Variants in SLIT3 observed in about 807,000 individuals in gnomAD.
SLIT3 encodes slit guidance ligand 3.
A neutral mutation model predicts 184.0 loss-of-function variants in SLIT3; 68 were observed. The observed-to-expected ratio is 0.37, with a 90% confidence interval of 0.30 to 0.45. The LOEUF (loss-of-function observed/expected upper bound fraction) is 0.45. Among genes scored for constraint, SLIT3 ranks in the 20% least tolerant of loss-of-function variants. SLIT3 has a pLI of 1.00. For missense variants in SLIT3, 1,707 were observed against 2,026.0 expected (o/e 0.84, Z 3.02); for synonymous variants, 831 against 828.6 (o/e 1.00, Z -0.05).
chr5:168,780,892 C>G (rs370586821), intron 12 of SLIT3, among the ~76,000 whole-genome samples: 1 of 152,218 alleles, frequency 6.6e-6, no homozygotes, highest in Non-Finnish European at 1.5e-5. Context: ...CCAATGACAG[C>G]TGATGCCATG....
chr5:168,882,463 A>G (rs1338723694), intron 5 of SLIT3, among the ~76,000 whole-genome samples: 2 of 152,206 alleles, frequency 1.3e-5, no homozygotes, highest in East Asian at 3.9e-4. Context: ...ACAGCTGCAC[A>G]AATCTGCACG....
chr5:169,180,411 G>A (rs1416585454), intron 4 of SLIT3, among the ~76,000 whole-genome samples: 1 of 152,188 alleles, frequency 6.6e-6, no homozygotes. Context: ...CTGGGGAAAA[G>A]AGGAGATCTG....
At chr5:168,771,668 G>A (rs1366971152) in intron 14 of SLIT3, among the ~76,000 whole-genome samples, 3 of 152,160 alleles carry the variant, frequency 2.0e-5, no homozygotes, top group Non-Finnish European at 4.4e-5. Context: ...CAAAGTCTCT[G>A]TATTATCTCC....
At chr5:169,103,439 A>G (rs562845137) in intron 4 of SLIT3, among the ~76,000 whole-genome samples, 1 of 152,296 alleles carries the variant, frequency 6.6e-6, no homozygotes, top group Admixed American at 6.5e-5. Context: ...TAAGACGAGG[A>G]TATGCTGTGC....
intron 6 of SLIT3, among the ~76,000 whole-genome samples, chr5:168,838,944 G>A (rs997824588): frequency 2.0e-5 from 3 of 152,136 alleles, no homozygotes; most frequent in Non-Finnish European, 1.5e-5. Flanking sequence ...CCAGGGGCCT[G>A]GGGAACAAGA....
In SLIT3 at chr5:169,188,992, G is replaced by A. The variant is rs145761116; in HGVS notation, c.413+4487C>T. Among the ~76,000 whole-genome samples, 307 of 152,226 alleles carry A rather than the reference G, an allele frequency of 2.0e-3. 2 individuals carry two copies. Among genetic ancestry groups the A allele is most frequent in the African/African-American group, 6.8e-3 (283 of 41,538 alleles). On this transcript the variant is annotated intron_variant, in intron 4 of 35. Coordinates refer to ENST00000519560, the MANE Select transcript of SLIT3 (RefSeq NM_003062.4). Reference sequence around the variant, plus strand: ...GTCTCCACACTTGACCATGATCTACGTCAGGATGGCAGGGGACAAATATTT... The same window carrying A: ...GTCTCCACACTTGACCATGATCTACATCAGGATGGCAGGGGACAAATATTT...
chr5:168,855,847 CT>C (rs1482043313), intron 5 of SLIT3, among the ~76,000 whole-genome samples: 3 of 152,076 alleles, frequency 2.0e-5, no homozygotes, highest in Non-Finnish European at 4.4e-5. Flanking sequence ...TTTTTTCCCC[CT>C]GAGTCTTGAG....
intron 4 of SLIT3, among the ~76,000 whole-genome samples, chr5:168,962,227 T>G (rs973481146): frequency 4.6e-5 from 7 of 151,894 alleles, no homozygotes; most frequent in African/African-American, 1.7e-4. Context: ...CTTCCAGATG[T>G]GGAGAGCACA....
intron 1 of SLIT3, among the ~76,000 whole-genome samples, chr5:169,292,103 G>C (rs1767377163): frequency 6.6e-6 from 1 of 152,164 alleles, no homozygotes; most frequent in African/African-American, 2.4e-5. Context: ...CATCATGTCT[G>C]TTCCCAGAAC....
At chr5:168,982,436 T>C (rs1384871996) in intron 4 of SLIT3, among the ~76,000 whole-genome samples, 7 of 152,196 alleles carry the variant, frequency 4.6e-5, no homozygotes. Flanking sequence ...ATGCACCCCC[T>C]TGACCTTGGA....
intron 8 of SLIT3, among the ~76,000 whole-genome samples, chr5:168,816,368 G>A (rs1357114004): frequency 6.6e-6 from 1 of 152,094 alleles, no homozygotes; most frequent in East Asian, 1.9e-4. Context: ...TGTATTTTTA[G>A]TAGAGACGGG....
chr5:169,205,083 C>T (rs1764026342), intron 3 of SLIT3, among the ~76,000 whole-genome samples: 2 of 152,136 alleles, frequency 1.3e-5, no homozygotes, highest in South Asian at 2.1e-4. Context: ...TGAAAATGAG[C>T]CATGAAATCT....
intron 4 of SLIT3, among the ~76,000 whole-genome samples, chr5:168,913,980 CTG>C (rs1761351336): frequency 6.6e-6 from 1 of 152,136 alleles, no homozygotes; most frequent in African/African-American, 2.4e-5. Context: ...TCTCACCTAA[CTG>C]TGTATCTTAC....
At chr5:169,199,996 G>T (rs759540548) in intron 3 of SLIT3, among the ~76,000 whole-genome samples, 1 of 152,196 alleles carries the variant, frequency 6.6e-6, no homozygotes, top group Non-Finnish European at 1.5e-5. Context: ...CTGCTGATCC[G>T]GGAAGTCACA....
chr5:168,966,369 T>C (rs1446704782), intron 4 of SLIT3, among the ~76,000 whole-genome samples: 1 of 151,996 alleles, frequency 6.6e-6, no homozygotes, highest in East Asian at 1.9e-4. Flanking sequence ...GCCAGCATGA[T>C]TTTTTATAAG....
chr5:169,199,171 G>C (rs887027010), intron 3 of SLIT3, among the ~76,000 whole-genome samples: 1 of 152,086 alleles, frequency 6.6e-6, no homozygotes, highest in African/African-American at 2.4e-5. Flanking sequence ...TAACAGTGCA[G>C]CTGAAGTGTA....
chr5:168,686,743 A>C (rs2113230468), intron 30 of SLIT3, among the ~76,000 whole-genome samples: 1 of 152,374 alleles, frequency 6.6e-6, no homozygotes, highest in Non-Finnish European at 1.5e-5. Flanking sequence ...TTTCACGTGG[A>C]GTTGCCACAA....
intron 4 of SLIT3, among the ~76,000 whole-genome samples, chr5:168,951,338 C>T (rs564997717): frequency 1.3e-5 from 2 of 152,274 alleles, no homozygotes; most frequent in East Asian, 1.9e-4. Context: ...GAATATTATA[C>T]ATAAGGTTCT....
intron 23 of SLIT3, 58 bp downstream of exon 23, chr5:168,722,198 T>C (rs1762963588): frequency 6.7e-7 from 1 of 1,501,918 alleles, no homozygotes; most frequent in Middle Eastern, 1.7e-4. Flanking sequence ...GTGCTTAGTC[T>C]GCTTCCTGCT....
Sources: allele counts gnomAD v4.1 joint callset (sites outside exome capture counted in the v4.1 genomes callset), GRCh38; gene constraint gnomAD v4.1.1; transcripts MANE v1.5; gene names NCBI Gene and HGNC (gene_info 2026-07-23, HGNC 2026-07-21).